MTHFD1: variants seen among roughly 807,000 people sequenced by gnomAD.
MTHFD1 encodes methylenetetrahydrofolate dehydrogenase, cyclohydrolase and formyltetrahydrofolate synthetase 1, also known as C-1-tetrahydrofolate synthase, cytoplasmic.
Under a neutral mutation model 110.3 loss-of-function variants are expected in MTHFD1, and 44 were observed. The observed-to-expected ratio is 0.40, with a 90% CI of 0.31 to 0.51. The LOEUF (loss-of-function observed/expected upper bound fraction) is 0.51. Among genes scored for constraint, MTHFD1 ranks in the 20% least tolerant of loss-of-function variants. The probability of loss-of-function intolerance (pLI) is 0.60; values close to 1 mark genes in which losing one functional copy is unlikely to be tolerated. For synonymous variants in MTHFD1, 402 were observed against 428.8 expected, an observed-to-expected ratio of 0.94 and a Z score of 0.77; for missense variants, 909 against 1,173.1, an observed-to-expected ratio of 0.77 and a Z score of 3.29.
chr14:64,396,271 T>A (rs2140942139), intron 1 of MTHFD1, among the ~76,000 whole-genome samples: 1 of 152,288 alleles, frequency 6.6e-6, no homozygotes, highest in African/African-American at 2.4e-5. Context: ...AGTGTTTTAA[T>A]TTGACTTAAA....
chr14:64,424,765 T>C, intron 8 of MTHFD1, 39 bp from the exon 9 acceptor site: 1 of 1,611,730 alleles, frequency 6.2e-7, no homozygotes, highest in Non-Finnish European at 8.5e-7. Context: ...AGGACTGTGA[T>C]TCTGAGACTT....
At chr14:64,439,268 C>G in intron 17 of MTHFD1, 96 bp downstream of exon 17, 2 of 904,516 alleles carry the variant, frequency 2.2e-6, no homozygotes, top group South Asian at 1.4e-5. Context: ...CTGATACTGC[C>G]AGGTGTTGTT....
chr14:64,416,829 T>C (rs1415413284), intron 6 of MTHFD1, among the ~76,000 whole-genome samples: 8 of 152,222 alleles, frequency 5.3e-5, no homozygotes, highest in Admixed American at 5.2e-4. Context: ...TGCCTCTTAT[T>C]GAGTGATGCT....
chr14:64,444,781 T>C, intron 22 of MTHFD1, 47 bp downstream of exon 22: 1 of 1,596,150 alleles, frequency 6.3e-7, no homozygotes, highest in Non-Finnish European at 8.6e-7. Flanking sequence ...GCACCACACC[T>C]TGAATCAGCA....
At chr14:64,455,062 C>T in intron 26 of MTHFD1, 187 bp downstream of exon 26, 1 of 631,682 alleles carries the variant, frequency 1.6e-6, no homozygotes, top group East Asian at 2.8e-5. Flanking sequence ...TTGCTGTGGA[C>T]CATCTTGGTG....
intron 4 of MTHFD1, among the ~76,000 whole-genome samples, chr14:64,414,432 C>T (rs2078009572): frequency 6.6e-6 from 1 of 151,932 alleles, no homozygotes; most frequent in Non-Finnish European, 1.5e-5. Flanking sequence ...GCTGAGATTA[C>T]AGGCATGCGC....
At position 64,434,403 on chromosome 14, in the gene MTHFD1, C is replaced by T. The variant is rs139313862; in HGVS notation, c.1495-1166C>T. Among the ~76,000 whole-genome samples the T allele has an allele frequency of 2.8e-3, 418 of 151,954 alleles. 1 individual carries two copies. Among genetic ancestry groups the T allele is most frequent in the Non-Finnish European group, 5.1e-3 (347 of 67,952 alleles). The stretch of plus-strand genomic sequence containing the variant: ...TCGTCTCTACAAAAAAATTTAAAAA[C>T]GAGCCAGGTGTGGTGGCATGCACCT... On this transcript the variant is annotated intron_variant, in intron 15 of 27. Coordinates refer to ENST00000652337, the MANE Select transcript of MTHFD1 (RefSeq NM_005956.4).
chr14:64,388,551 C>A, intron 1 of MTHFD1, 83 bp downstream of exon 1: 2 of 1,268,288 alleles, frequency 1.6e-6, no homozygotes, highest in Non-Finnish European at 2.3e-6. Flanking sequence ...CCATTTTTTG[C>A]GGGAGGGACA....
intron 8 of MTHFD1, among the ~76,000 whole-genome samples, chr14:64,421,720 T>C (rs1421787375): frequency 3.3e-5 from 5 of 151,794 alleles, no homozygotes; most frequent in African/African-American, 1.2e-4. Context: ...GCCTTGCGGG[T>C]TCATGCCATT....
At chr14:64,452,502 C>CTT (rs1002336889) in intron 24 of MTHFD1, among the ~76,000 whole-genome samples, 8 of 152,238 alleles carry the variant, frequency 5.3e-5, no homozygotes, top group Admixed American at 2.0e-4. Context: ...GCCAGCTCCA[C>CTT]TTCTCTGAAG....
chr14:64,412,723 C>T (rs1051853125), intron 4 of MTHFD1, among the ~76,000 whole-genome samples, 198 bp downstream of exon 4: 33 of 150,832 alleles, frequency 2.2e-4, no homozygotes, highest in Middle Eastern at 3.4e-3. Flanking sequence ...CTGCAACCTC[C>T]GCCTCCCAGG....
intron 11 of MTHFD1, 103 bp downstream of exon 11, chr14:64,426,295 G>A (rs2140964303): frequency 3.7e-6 from 5 of 1,354,502 alleles, no homozygotes; most frequent in Non-Finnish European, 5.2e-6. Flanking sequence ...CCTTTAATTT[G>A]ATTTTAGCAT....
At chr14:64,441,992 AT>A in intron 19 of MTHFD1, 61 bp from the exon 20 acceptor site, 1 of 1,055,926 alleles carries the variant, frequency 9.5e-7, no homozygotes. Context: ...ATACCGTTGA[AT>A]GTGTGATCCC....
intron 2 of MTHFD1, among the ~76,000 whole-genome samples, chr14:64,403,590 A>T (rs923104082): frequency 3.9e-5 from 3 of 76,876 alleles, no homozygotes; most frequent in African/African-American, 7.3e-5. Flanking sequence ...ATTTTTTTGT[A>T]GAGTTTTTTT....
intron 26 of MTHFD1, chr14:64,455,295 AC>A (rs1489368826): frequency 5.8e-6 from 1 of 172,166 alleles, no homozygotes; most frequent in Non-Finnish European, 1.3e-5. Flanking sequence ...CCTAGAACTT[AC>A]GTCTGAAATT....
chr14:64,452,295 C>G (rs1396944661), intron 24 of MTHFD1, among the ~76,000 whole-genome samples: 1 of 152,220 alleles, frequency 6.6e-6, no homozygotes, highest in Non-Finnish European at 1.5e-5. Flanking sequence ...AACTCTGTCT[C>G]AAATAAATAA....
chr14:64,456,208 C>T (rs775660314), intron 26 of MTHFD1, among the ~76,000 whole-genome samples: 1 of 105,184 alleles, frequency 9.5e-6, no homozygotes, highest in Non-Finnish European at 2.4e-5. Context: ...CACAGCCTGC[C>T]GAACTCAAGA....
At chr14:64,416,434 C>A (rs986352132) in intron 6 of MTHFD1, among the ~76,000 whole-genome samples, 3 of 152,062 alleles carry the variant, frequency 2.0e-5, no homozygotes, top group Non-Finnish European at 1.5e-5. Flanking sequence ...CACCTCCCCC[C>A]ACCCCCAAAA....
intron 16 of MTHFD1, among the ~76,000 whole-genome samples, chr14:64,436,707 C>T (rs1038136047): frequency 1.3e-5 from 2 of 152,230 alleles, no homozygotes; most frequent in Non-Finnish European, 1.5e-5. Flanking sequence ...ATTTAGATGA[C>T]ACTCTCAATG....
Sources: gnomAD v4.1 joint callset for allele counts (sites outside exome capture counted in the v4.1 genomes callset) on GRCh38, gnomAD v4.1.1 for gene constraint, MANE v1.5 for transcripts, NCBI Gene and HGNC (gene_info 2026-07-23, HGNC 2026-07-21) for gene names.